NBEA: variants seen among roughly 807,000 people sequenced by gnomAD.
NBEA encodes lysosomal-trafficking regulator 2.
A neutral mutation model predicts 343.4 loss-of-function variants in NBEA; 44 were observed. That is an observed-to-expected ratio of 0.13 (90% CI 0.10 to 0.16). NBEA has a LOEUF of 0.16. NBEA is among the 10% of genes least tolerant of loss of function. The pLI is 1.00. For synonymous variants in NBEA, 1,175 were observed against 1,238.7 expected (o/e 0.95, Z 1.08); for missense variants, 2,555 against 3,631.3 (o/e 0.70, Z 7.62).
chr13:35,083,447 C>T (rs2064538512), intron 10 of NBEA, among the ~76,000 whole-genome samples: 1 of 152,102 alleles, frequency 6.6e-6, no homozygotes. Flanking sequence ...AGAGTGGGGG[C>T]CAATATTCAA....
At chr13:35,237,743 A>G (rs937559225) in intron 34 of NBEA, among the ~76,000 whole-genome samples, 2 of 152,202 alleles carry the variant, frequency 1.3e-5, no homozygotes, top group Non-Finnish European at 2.9e-5. Flanking sequence ...TTAACTTCAA[A>G]TAGCCATAAA....
chr13:35,644,848 A>G (rs1401962715), intron 49 of NBEA, among the ~76,000 whole-genome samples: 1 of 152,204 alleles, frequency 6.6e-6, no homozygotes, highest in Non-Finnish European at 1.5e-5. Flanking sequence ...TATGTGAATA[A>G]AATTTAGTTA....
At chr13:35,579,287 G>A (rs560324662) in intron 45 of NBEA, among the ~76,000 whole-genome samples, 228 of 152,020 alleles carry the variant, frequency 1.5e-3, no homozygotes, top group Non-Finnish European at 2.9e-3. Context: ...ATTTGTATTT[G>A]TTTAAATCAA....
intron 34 of NBEA, among the ~76,000 whole-genome samples, chr13:35,236,803 A>G (rs1419970939): frequency 6.6e-6 from 1 of 151,222 alleles, no homozygotes; most frequent in African/African-American, 2.4e-5. Flanking sequence ...TCATCCTTTG[A>G]GTCCATTTTC....
In NBEA at chr13:35,524,555, T is replaced by G. The variant is rs772664299; in HGVS notation, c.6586-25922T>G. 2.6e-5 allele frequency among the ~76,000 whole-genome samples: 4 copies of G among 152,344 alleles called. No individual in the cohort carries two copies. In the South Asian group the frequency reaches 8.3e-4, roughly 32 times the overall value. On this transcript the variant is annotated intron_variant, in intron 41 of 58. Transcript: ENST00000379939. ...AAATTCTGTGTCATTGAATATCATT[T>G]TTAAATTCCTTCAAGTCAGATTGGT...
Position 35,472,462 on chromosome 13 carries a change from C to T in NBEA, c.6511C>T (p.Leu2171Phe). 5 of 1,614,004 alleles carry T rather than the reference C, an allele frequency of 3.1e-6. No homozygotes were observed. Among genetic ancestry groups the T allele is most frequent in the Non-Finnish European group, 4.2e-6 (5 of 1,179,888 alleles). The change falls in exon 41 of 59, where the codon CTC (leucine) becomes TTC (phenylalanine). Residue 2171 changes from leucine to phenylalanine, a missense_variant. Physicochemically the swap from Leu to Phe is conservative, Grantham distance 22. This residue lies in a region of NBEA where 246 missense variants were observed against 313.7 expected (regional missense o/e 0.78). Coordinates refer to ENST00000379939, the MANE Select transcript of NBEA (RefSeq NM_001385012.1). ...TCCCGTGGTGGTGGCCAAGGGGACT[C>T]TCTCCATCACCACGACAGAAATCTA... Reference protein sequence around the residue: ...IAPVVVAKGTLSITTTEIYFE... With the variant: ...IAPVVVAKGTFSITTTEIYFE...
At chr13:35,280,758 G>T (rs370992579) in intron 34 of NBEA, among the ~76,000 whole-genome samples, 2 of 151,632 alleles carry the variant, frequency 1.3e-5, no homozygotes, top group Non-Finnish European at 2.9e-5. Flanking sequence ...GAAATGACTG[G>T]GTTCTCTTTT....
At chr13:35,099,268 G>A (rs780944664) in intron 11 of NBEA, among the ~76,000 whole-genome samples, 2 of 138,018 alleles carry the variant, frequency 1.4e-5, no homozygotes, top group Admixed American at 7.9e-5. Context: ...GCTCAATCTC[G>A]GCTCACTGCA....
intron 49 of NBEA, among the ~76,000 whole-genome samples, chr13:35,629,149 A>T (rs1486359326): frequency 1.3e-4 from 20 of 152,194 alleles, no homozygotes; most frequent in Admixed American, 1.3e-3. Flanking sequence ...GCACAAAATG[A>T]TTTCAGATAA....
At chr13:34,975,794 A>G (rs939150674) in intron 1 of NBEA, among the ~76,000 whole-genome samples, 8 of 152,346 alleles carry the variant, frequency 5.3e-5, no homozygotes, top group Admixed American at 5.2e-4. Context: ...AAAAGAAGAT[A>G]TACAGATGGT....
At chr13:35,584,175 G>A in intron 46 of NBEA, 137 bp downstream of exon 46, 8 of 964,802 alleles carry the variant, frequency 8.3e-6, no homozygotes, top group Non-Finnish European at 1.1e-5. Context: ...AGATTTCAAA[G>A]TAGCAAAATA....
At chr13:35,444,884 A>C (rs2045915245) in intron 39 of NBEA, among the ~76,000 whole-genome samples, 1 of 152,120 alleles carries the variant, frequency 6.6e-6, no homozygotes, top group Non-Finnish European at 1.5e-5. Flanking sequence ...TAGTTATGGA[A>C]AACCTACATT....
At chr13:35,134,828 A>C (rs769620128) in intron 17 of NBEA, among the ~76,000 whole-genome samples, 1 of 151,940 alleles carries the variant, frequency 6.6e-6, no homozygotes, top group Non-Finnish European at 1.5e-5. Context: ...AAAATGAATC[A>C]AACTTTCCCA....
chr13:35,184,936 T>TA (rs2071587676), intron 30 of NBEA, among the ~76,000 whole-genome samples: 1 of 152,140 alleles, frequency 6.6e-6, no homozygotes, highest in Non-Finnish European at 1.5e-5. Flanking sequence ...TGATGGTGTT[T>TA]ACTCCTGTGA....
chr13:35,177,436 T>C (rs2070985517), intron 28 of NBEA, among the ~76,000 whole-genome samples: 1 of 151,840 alleles, frequency 6.6e-6, no homozygotes, highest in Admixed American at 6.6e-5. Flanking sequence ...TAAAAATTTG[T>C]TATTATTAAT....
chr13:35,207,688 A>G (rs1164375227), intron 31 of NBEA, among the ~76,000 whole-genome samples: 1 of 152,138 alleles, frequency 6.6e-6, no homozygotes, highest in East Asian at 1.9e-4. Context: ...AAATACGCTA[A>G]AGAAACCTGG....
rs1418524793 is a variant in NBEA, at chr13:35,050,405, A to G, written c.972+10A>G. 6.2e-7 allele frequency: 1 copy of G among 1,604,894 alleles called. No individual in the cohort carries two copies. The highest frequency in any genetic ancestry group is 1.1e-5 in the South Asian group (1 of 90,332). On this transcript the variant is annotated intron_variant, in intron 6 of 58. Transcript: ENST00000379939. Reference sequence around the variant, plus strand: ...TTTTCAACCACGCAAGGTAGGTAAAAGTAAATATTTTTATAACTCACCTGT... The same window carrying G: ...TTTTCAACCACGCAAGGTAGGTAAAGGTAAATATTTTTATAACTCACCTGT...
chr13:35,463,953 G>A (rs1441569441), intron 40 of NBEA, among the ~76,000 whole-genome samples: 1 of 152,098 alleles, frequency 6.6e-6, no homozygotes, highest in Non-Finnish European at 1.5e-5. Flanking sequence ...AATGCAGACA[G>A]AGACAGTTAA....
At chr13:35,596,904 A>G (rs1242233805) in intron 47 of NBEA, among the ~76,000 whole-genome samples, 1 of 152,100 alleles carries the variant, frequency 6.6e-6, no homozygotes, top group Non-Finnish European at 1.5e-5. Context: ...TCTTTTGAAA[A>G]AAAAAAAGAA....
Sources: gnomAD v4.1 joint callset for allele counts (sites outside exome capture counted in the v4.1 genomes callset) on GRCh38, gnomAD v4.1.1 for gene constraint, gnomAD v4.1.1 regional missense constraint, MANE v1.5 for transcripts, NCBI Gene and HGNC (gene_info 2026-07-23, HGNC 2026-07-21) for gene names.